Variants in TRHDE observed in about 807,000 individuals in gnomAD.
TRHDE encodes the protein thyrotropin-releasing hormone-degrading ectoenzyme.
Under a neutral mutation model 125.7 loss-of-function variants are expected in TRHDE, and 72 were observed. The ratio of observed to expected loss-of-function variants is 0.57; its 90% CI spans 0.47 to 0.70. The LOEUF is 0.70. Among genes scored for constraint, TRHDE ranks in the 30% least tolerant of loss-of-function variants. The probability of loss-of-function intolerance (pLI) is 0.00; values close to 1 mark genes in which losing one functional copy is unlikely to be tolerated. For missense variants in TRHDE, 1,110 were observed against 1,327.1 expected, an observed-to-expected ratio of 0.84 and a Z score of 2.54; for synonymous variants, 509 against 509.1, an observed-to-expected ratio of 1.00 and a Z score of 0.00.
At chr12:72,113,191 T>C (rs933212226) in intron 2 of TRHDE, among the ~76,000 whole-genome samples, 5 of 151,902 alleles carry the variant, frequency 3.3e-5, no homozygotes, top group Non-Finnish European at 7.4e-5. Context: ...CTAAATTTTT[T>C]TTTTCTTTGT....
rs1173967948 is a variant in TRHDE, at chr12:72,669,216, A to C, written c.*6021A>C. On this transcript the variant is annotated 3_prime_UTR_variant, in exon 19 of 19. Coordinates refer to ENST00000261180, the MANE Select transcript of TRHDE (RefSeq NM_013381.3). ...GTTAAGGTTAAACTTCTGTCTTTGC[A>C]TGTGGAGGAGACATATTAGTCTAGC... 6.6e-6 allele frequency: 1 copy of C among 151,802 alleles called. No individual in the cohort carries two copies. Among genetic ancestry groups the C allele is most frequent in the African/African-American group, 2.4e-5 (1 of 41,412 alleles). 9.4% of individuals were successfully genotyped at this position (151,802 alleles called of 1,614,324 possible).
chr12:72,580,216 A>C (rs749860836), intron 12 of TRHDE, among the ~76,000 whole-genome samples: 13 of 152,162 alleles, frequency 8.5e-5, no homozygotes, highest in African/African-American at 3.1e-4. Context: ...GTTAAGCCCT[A>C]TGGTTTTATG....
intron 2 of TRHDE, among the ~76,000 whole-genome samples, chr12:72,317,363 G>T (rs532219565): frequency 1.3e-5 from 2 of 152,212 alleles, no homozygotes; most frequent in Admixed American, 1.3e-4. Flanking sequence ...AGATGTCTTA[G>T]TTTGTTCCTA....
intron 2 of TRHDE, among the ~76,000 whole-genome samples, chr12:72,362,294 C>A (rs1456280460): frequency 2.7e-5 from 4 of 149,752 alleles, no homozygotes; most frequent in East Asian, 2.0e-4. Context: ...GGTTTTCATT[C>A]GCATTTCTCT....
chr12:72,396,077 A>G (rs969985733), intron 3 of TRHDE, among the ~76,000 whole-genome samples: 3 of 152,100 alleles, frequency 2.0e-5, no homozygotes, highest in Non-Finnish European at 4.4e-5. Context: ...TCTTGACCCT[A>G]TGTCCTCTGG....
chr12:72,329,423 G>A (rs1221335105), intron 2 of TRHDE, among the ~76,000 whole-genome samples: 3 of 152,152 alleles, frequency 2.0e-5, no homozygotes, highest in Non-Finnish European at 4.4e-5. Context: ...GGAAATCAGA[G>A]ATTTACTCTG....
intron 3 of TRHDE, among the ~76,000 whole-genome samples, chr12:72,401,132 A>G (rs1873026378): frequency 6.6e-6 from 1 of 152,198 alleles, no homozygotes; most frequent in African/African-American, 2.4e-5. Context: ...ACCATTTTAT[A>G]AACTTTTAAG....
chr12:72,584,518 T>C (rs1871364298), intron 12 of TRHDE, among the ~76,000 whole-genome samples: 1 of 152,216 alleles, frequency 6.6e-6, no homozygotes, highest in East Asian at 1.9e-4. Context: ...ATAACTATAA[T>C]TTTGAATCCT....
At chr12:72,306,630 C>T (rs1565692142) in intron 2 of TRHDE, 1 of 152,064 alleles carries the variant, frequency 6.6e-6, no homozygotes. Flanking sequence ...GTTCTTTTAA[C>T]CAATATTTAC....
At chr12:72,555,089 T>A (rs1405709289) in intron 7 of TRHDE, among the ~76,000 whole-genome samples, 4 of 152,220 alleles carry the variant, frequency 2.6e-5, no homozygotes, top group African/African-American at 9.6e-5. Context: ...TCTACTACAT[T>A]TAGCAGCCAC....
At chr12:72,258,057 T>C (rs1878858630) in intron 2 of TRHDE, 1 of 152,148 alleles carries the variant, frequency 6.6e-6, no homozygotes, top group South Asian at 2.1e-4. Flanking sequence ...ATAGTTACTC[T>C]TTTCTCTTGT....
chr12:72,488,457 T>C (rs1877512948), intron 5 of TRHDE, among the ~76,000 whole-genome samples: 1 of 151,980 alleles, frequency 6.6e-6, no homozygotes, highest in South Asian at 2.1e-4. Flanking sequence ...CAAGAGAATA[T>C]AAATATTGTA....
chr12:72,214,343 G>A (rs1387591858), intron 2 of TRHDE, among the ~76,000 whole-genome samples: 1 of 152,068 alleles, frequency 6.6e-6, no homozygotes, highest in African/African-American at 2.4e-5. Flanking sequence ...TATTTCACTG[G>A]CACTAAGGCA....
At chr12:72,620,471 C>T (rs1372271133) in intron 13 of TRHDE, among the ~76,000 whole-genome samples, 3 of 151,560 alleles carry the variant, frequency 2.0e-5, no homozygotes, top group Admixed American at 6.6e-5. Context: ...TGCAGTGAGC[C>T]GTGGTTGTTG....
chr12:72,597,220 G>T (rs1871978618), intron 12 of TRHDE, among the ~76,000 whole-genome samples: 1 of 152,166 alleles, frequency 6.6e-6, no homozygotes, highest in Admixed American at 6.5e-5. Context: ...AAATACGAAT[G>T]TCTCTCCTTT....
intron 15 of TRHDE, among the ~76,000 whole-genome samples, chr12:72,633,356 T>C (rs543760120): frequency 4.6e-5 from 7 of 152,240 alleles, no homozygotes; most frequent in African/African-American, 1.7e-4. Flanking sequence ...TTTTAGAACA[T>C]ATTCAGATAA....
chr12:72,599,146 A>G (rs1872103004), intron 12 of TRHDE, among the ~76,000 whole-genome samples: 2 of 152,024 alleles, frequency 1.3e-5, no homozygotes, highest in South Asian at 4.1e-4. Context: ...ACCTACATTG[A>G]TTCTATGTCT....
chr12:72,452,970 C>G (rs924905808), intron 3 of TRHDE, among the ~76,000 whole-genome samples: 3 of 152,276 alleles, frequency 2.0e-5, no homozygotes, highest in Admixed American at 2.0e-4. Flanking sequence ...TTGAATATTT[C>G]TTTATAGCAA....
chr12:72,269,957 G>A (rs988325836), upstream of TRHDE, among the ~76,000 whole-genome samples: 11 of 152,152 alleles, frequency 7.2e-5, no homozygotes, highest in African/African-American at 2.4e-4. Context: ...TAGACTCCCC[G>A]GGATGATTCC....
Sources: gnomAD v4.1 joint callset for allele counts (sites outside exome capture counted in the v4.1 genomes callset) on GRCh38, gnomAD v4.1.1 for gene constraint, MANE v1.5 for transcripts, NCBI Gene and HGNC (gene_info 2026-07-23, HGNC 2026-07-21) for gene names.